Variants in GLG1 observed in about 807,000 individuals in gnomAD.
GLG1 encodes golgi glycoprotein 1, also known as Golgi apparatus protein 1.
In GLG1, 38 loss-of-function variants were observed where a neutral mutation model predicts 160.5. The ratio of observed to expected loss-of-function variants is 0.24; its 90% CI spans 0.18 to 0.31. GLG1 has a LOEUF of 0.31. GLG1 is among the 10% of genes least tolerant of loss of function. The pLI is 1.00. For missense variants in GLG1, 1,373 were observed against 1,505.2 expected, an observed-to-expected ratio of 0.91 and a Z score of 1.45; for synonymous variants, 644 against 543.4, an observed-to-expected ratio of 1.19 and a Z score of -2.57.
At chr16:74,602,285 G>A (rs1446374047) in intron 1 of GLG1, among the ~76,000 whole-genome samples, 2 of 151,952 alleles carry the variant, frequency 1.3e-5, no homozygotes, top group African/African-American at 4.8e-5. Flanking sequence ...AAGAAAAGGT[G>A]GCAAGAAAGA....
intron 1 of GLG1, among the ~76,000 whole-genome samples, chr16:74,596,953 C>CA (rs550548203): frequency 5.2e-4 from 78 of 149,184 alleles, no homozygotes; most frequent in Middle Eastern, 3.4e-3. Context: ...CTCATCTCTA[C>CA]AAAAAAAAAC....
chr16:74,477,475 A>G lies in GLG1; in HGVS notation c.1886T>C (p.Val629Ala). The change falls in exon 12 of 26, where the codon GTC becomes GCC. Residue 629 changes from valine (V) to alanine (A), a missense_variant. By Grantham distance (64) the Val-to-Ala change is moderately conservative. This residue lies in a region of GLG1 where 386 missense variants were observed against 388.5 expected (regional missense o/e 0.99). Transcript: ENST00000422840. The part of the protein sequence containing the change: ...QRILHQRAMD[V>A]KLDPALQDKC... Reference sequence around the variant, plus strand: ...ATCCTGGAGGGCAGGATCCAGCTTGACATCCATGGCACGCTGGTGTAGGAT... The same window carrying G: ...ATCCTGGAGGGCAGGATCCAGCTTGGCATCCATGGCACGCTGGTGTAGGAT... 1 of 1,610,490 alleles carries G rather than the reference A, an allele frequency of 6.2e-7. No homozygotes were observed. Among genetic ancestry groups the G allele is most frequent in the South Asian group, 1.1e-5 (1 of 91,016 alleles).
intron 1 of GLG1, among the ~76,000 whole-genome samples, chr16:74,601,423 T>TAA (rs76858663): frequency 1.4e-5 from 2 of 141,014 alleles, no homozygotes; most frequent in African/African-American, 5.2e-5. Context: ...CTCTTAAAAT[T>TAA]AAAAAAAAAA....
In GLG1 at chr16:74,544,899, A is replaced by T; in HGVS notation, c.439-12746T>A. On this transcript the variant is annotated intron_variant, in intron 1 of 25. Transcript: ENST00000422840. The stretch of plus-strand genomic sequence containing the variant: ...AATAAATATAATCTATAATTATAAT[A>T]ATAATTATTGCATACTTCTAGAAGA... Among the ~76,000 whole-genome samples the T allele has an allele frequency of 2.0e-5, 3 of 152,130 alleles. No individual in the cohort carries two copies. In the Middle Eastern group the frequency reaches 0.01, roughly 517 times the overall value.
rs1196792084 is a variant in GLG1 at position 74,603,138 on chromosome 16, G to A, written c.438+3519C>T. On this transcript the variant is annotated intron_variant, in intron 1 of 25. Transcript: ENST00000422840. ...GCAGCAGCAGCAGCAGCAGCCAGGC[G>A]CAATAGCTCATGACTGTAATCCCAG... Among the ~76,000 whole-genome samples the A allele has an allele frequency of 4.0e-5, 6 of 151,684 alleles. No individual in the cohort carries two copies. The South Asian group carries it at 6.2e-4, about 16-fold the overall frequency.
At chr16:74,604,880 C>G (rs2143929503) in intron 1 of GLG1, among the ~76,000 whole-genome samples, 2 of 152,248 alleles carry the variant, frequency 1.3e-5, no homozygotes, top group Middle Eastern at 6.8e-3. Context: ...GAAACCCTGT[C>G]TCTACTAAAA....
intron 3 of GLG1, among the ~76,000 whole-genome samples, chr16:74,506,085 T>A (rs1418700340): frequency 6.7e-6 from 1 of 148,218 alleles, no homozygotes; most frequent in African/African-American, 2.5e-5. Context: ...GAAAAGATTT[T>A]TTTTTTTTTT....
intron 4 of GLG1, among the ~76,000 whole-genome samples, chr16:74,501,592 G>C (rs1482016147): frequency 6.6e-6 from 1 of 152,152 alleles, no homozygotes; most frequent in Non-Finnish European, 1.5e-5. Context: ...TACCTTGGTG[G>C]TTACCAGGCA....
rs1197905536 is a variant in GLG1, at chr16:74,479,105, A to T, written c.1827+1136T>A. Among the ~76,000 whole-genome samples, 4 of 133,634 alleles carry T rather than the reference A, an allele frequency of 3.0e-5. No homozygotes were observed. The Admixed American group carries it at 3.3e-4, about 11-fold the overall frequency. The allele number at this position is 133,634 out of a possible 152,430, so 87.7% of individuals were successfully genotyped here. Reference sequence around the variant, plus strand: ...CCAGGCATGACGGCAGGCACCCGTAATCCCAGCTACTCGGGAGGCTGAGGC... The same window carrying T: ...CCAGGCATGACGGCAGGCACCCGTATTCCCAGCTACTCGGGAGGCTGAGGC... On this transcript the variant is annotated intron_variant, in intron 11 of 25. Coordinates refer to ENST00000422840, the MANE Select transcript of GLG1 (RefSeq NM_001145667.2).
At chr16:74,475,076 G>A (rs749918510) in intron 12 of GLG1, among the ~76,000 whole-genome samples, 6 of 146,212 alleles carry the variant, frequency 4.1e-5, no homozygotes, top group Non-Finnish European at 8.9e-5. Context: ...AGAATTGCTT[G>A]AACCCAGGAG....
chr16:74,519,444 T>A (rs941687919), intron 2 of GLG1, among the ~76,000 whole-genome samples: 5 of 151,884 alleles, frequency 3.3e-5, no homozygotes, highest in African/African-American at 1.2e-4. Context: ...GTAACAAAAC[T>A]GTACGTTCTG....
intron 1 of GLG1, among the ~76,000 whole-genome samples, chr16:74,582,828 TAAATAAAATA>T (rs144626583): frequency 0.019 from 2,877 of 147,598 alleles, 44 homozygotes; most frequent in Non-Finnish European, 0.028. Context: ...CTCAAAAAAA[TAAATAAAATA>T]AAATAAAATA....
At chr16:74,533,269 C>T (rs1359095003) in intron 1 of GLG1, among the ~76,000 whole-genome samples, 1 of 152,002 alleles carries the variant, frequency 6.6e-6, no homozygotes, top group Non-Finnish European at 1.5e-5. Flanking sequence ...TGCAGTGAAC[C>T]GAGATCGCAC....
At chr16:74,545,320 A>G (rs1368861763) in intron 1 of GLG1, among the ~76,000 whole-genome samples, 1 of 152,046 alleles carries the variant, frequency 6.6e-6, no homozygotes, top group Non-Finnish European at 1.5e-5. Flanking sequence ...AGTTGGGACT[A>G]CAGGTGCATG....
intron 20 of GLG1, 25 bp from the exon 21 acceptor site, chr16:74,462,655 T>G: frequency 3.1e-6 from 5 of 1,611,864 alleles, no homozygotes; most frequent in Non-Finnish European, 4.2e-6. Flanking sequence ...AGTGAGCATG[T>G]GACAAAACAT....
In GLG1 at chr16:74,477,977, A is replaced by AAAACAAACAAATAAATAAAT. The variant is rs55773213; in HGVS notation, c.1828-445_1828-444insATTTATTTATTTGTTTGTTT. Among the ~76,000 whole-genome samples the AAAACAAACAAATAAATAAAT allele has an allele frequency of 2.4e-3, 332 of 140,194 alleles. 2 individuals are homozygous for AAAACAAACAAATAAATAAAT. Among genetic ancestry groups the AAAACAAACAAATAAATAAAT allele is most frequent in the Middle Eastern group, 7.0e-3 (2 of 284 alleles). 92.0% of individuals were successfully genotyped at this position (140,194 alleles called of 152,430 possible). A position where few individuals can be genotyped will look rare whatever the true frequency, so the allele number is the denominator to read the frequency against. ...AACAAGAGCGAAACTCCGTCTCAAA[A>AAAACAAACAAATAAATAAAT]AAATAAATAAATAAATAAATAAATA... On this transcript the variant is annotated intron_variant, in intron 11 of 25. Transcript: ENST00000422840.
chr16:74,472,449 A>G, intron 13 of GLG1, 38 bp from the exon 14 acceptor site: 2 of 1,507,626 alleles, frequency 1.3e-6, no homozygotes, highest in East Asian at 2.3e-5. Flanking sequence ...TCTGCTTTAG[A>G]AAGAGCCAGG....
At chr16:74,511,585 T>TAAAAAAAAAAAAAA (rs1172903763) in intron 2 of GLG1, among the ~76,000 whole-genome samples, 1 of 85,302 alleles carries the variant, frequency 1.2e-5, no homozygotes, top group African/African-American at 4.6e-5. Flanking sequence ...CTTTTTTTTT[T>TAAAAAAAAAAAAAA]AAAAAAAAAA....
chr16:74,606,043 T>C (rs1479354048), intron 1 of GLG1, among the ~76,000 whole-genome samples: 1 of 152,138 alleles, frequency 6.6e-6, no homozygotes, highest in African/African-American at 2.4e-5. Context: ...CATAACCCAG[T>C]CACAAACACA....
Sources: allele counts gnomAD v4.1 joint callset (sites outside exome capture counted in the v4.1 genomes callset), GRCh38; gene constraint gnomAD v4.1.1; regional missense constraint gnomAD v4.1.1; transcripts MANE v1.5; gene names NCBI Gene and HGNC (gene_info 2026-07-23, HGNC 2026-07-21).